COL5A3: variants seen among roughly 807,000 people sequenced by gnomAD.
The protein encoded by COL5A3 is collagen type V alpha 3 chain.
COL5A3 carries 172 observed loss-of-function variants against 250.0 expected under a neutral mutation model. The ratio of observed to expected loss-of-function variants is 0.69; its 90% CI spans 0.61 to 0.78. COL5A3 has a LOEUF of 0.78. Among genes scored for constraint, COL5A3 ranks in the 30% least tolerant of loss-of-function variants. The pLI is 0.00. For synonymous variants in COL5A3, 937 were observed against 900.4 expected (o/e 1.04, Z -0.73); for missense variants, 2,340 against 2,334.4 (o/e 1.00, Z -0.05).
chr19:9,972,596 G>A (rs1461302000), intron 51 of COL5A3, among the ~76,000 whole-genome samples: 2 of 152,186 alleles, frequency 1.3e-5, no homozygotes, highest in Non-Finnish European at 2.9e-5. Flanking sequence ...CCAGCACTTT[G>A]GGAGGCTGAG....
At position 9,983,724 on chromosome 19, in the gene COL5A3, G is replaced by A. The variant is rs957154797; in HGVS notation, c.2407-1606C>T. Among the ~76,000 whole-genome samples, 8 of 145,884 alleles carry A rather than the reference G, an allele frequency of 5.5e-5. No homozygotes were observed. The East Asian group carries it at 9.3e-4, about 17-fold the overall frequency. ...AAGAGAAAAAAGAAGGAAAAGAAAA[G>A]AAAAAAGAGGGGGACGCAGTGAGGG... is the stretch of plus-strand genomic sequence containing the variant. On this transcript the variant is annotated intron_variant, in intron 31 of 66. Coordinates refer to ENST00000264828, the MANE Select transcript of COL5A3 (RefSeq NM_015719.4).
chr19:9,996,025 G>C, intron 15 of COL5A3, 41 bp downstream of exon 15: 1 of 1,497,124 alleles, frequency 6.7e-7, no homozygotes, highest in Non-Finnish European at 9.0e-7. Context: ...CTGGGGGAAG[G>C]CTATTCCCAT....
At chr19:9,970,532 G>T in intron 54 of COL5A3, 90 bp downstream of exon 54, 1 of 776,368 alleles carries the variant, frequency 1.3e-6, no homozygotes, top group Non-Finnish European at 1.9e-6. Flanking sequence ...GGTCTGTGGG[G>T]TGAGTTGAGG....
At chr19:10,004,600 G>A (rs1012324675) in intron 4 of COL5A3, among the ~76,000 whole-genome samples, 6 of 152,148 alleles carry the variant, frequency 3.9e-5, no homozygotes, top group Admixed American at 3.9e-4. Context: ...CAAAGTGCTG[G>A]GATTACAGGT....
chr19:9,983,460 T>C (rs2066698063), intron 31 of COL5A3, among the ~76,000 whole-genome samples: 1 of 150,512 alleles, frequency 6.6e-6, no homozygotes, highest in African/African-American at 2.5e-5. Flanking sequence ...ATCGCACTAT[T>C]GCACTCCAGC....
intron 64 of COL5A3, among the ~76,000 whole-genome samples, chr19:9,964,070 G>A (rs1233760407): frequency 1.3e-5 from 2 of 152,152 alleles, no homozygotes; most frequent in Non-Finnish European, 2.9e-5. Flanking sequence ...CTACTCGGGA[G>A]GCTAAGGCAG....
chr19:10,003,687 G>T lies in COL5A3; in HGVS notation c.727C>A (p.Arg243Ser). 6.2e-7 allele frequency: 1 copy of T among 1,614,064 alleles called. No homozygotes were observed. The highest frequency in any genetic ancestry group is 1.3e-5 in the African/African-American group (1 of 74,994). ...TTTCCCTTCCCCTTCCGCCGAGGAC[G>T]AGGGGTTTCTGGTTCACCCTGGGGA... is the stretch of plus-strand genomic sequence containing the variant. Reference protein sequence around the residue: ...VAPQGEPETPRPRRKGKGKGR... With the variant: ...VAPQGEPETPSPRRKGKGKGR... Residue 243 changes from arginine (R) to serine (S), a missense_variant, in exon 6 of 67, where the codon CGT becomes AGT. Arg to Ser is a moderately radical substitution (Grantham distance 110). Coordinates refer to ENST00000264828, the MANE Select transcript of COL5A3 (RefSeq NM_015719.4).
intron 8 of COL5A3, among the ~76,000 whole-genome samples, chr19:9,998,503 A>G (rs3745598): frequency 0.47 from 70,839 of 151,860 alleles, 16,987 homozygotes; most frequent in African/African-American, 0.58. Flanking sequence ...CAGTGGATGA[A>G]TGACGCCTGT....
At chr19:9,997,177 G>A in intron 11 of COL5A3, 194 bp downstream of exon 11, 1 of 623,392 alleles carries the variant, frequency 1.6e-6, no homozygotes, top group South Asian at 1.9e-5. Flanking sequence ...GAAAAGCAAA[G>A]AGTAGGCCCC....
Position 9,977,942 on chromosome 19 carries a change from CTATACATATATATATATATATA to C in COL5A3, c.3019-263_3019-242del, listed in dbSNP as rs1205824996. ...CAAAAGCCATAGTCCTCCTGGCAGC[CTATACATATATATATATATATA>C]TATATATATATATATATATATTTGT... On this transcript the variant is annotated intron_variant, in intron 41 of 66. Coordinates refer to ENST00000264828, the MANE Select transcript of COL5A3 (RefSeq NM_015719.4). Among the ~76,000 whole-genome samples, 810 of 89,690 alleles carry C rather than the reference CTATACATATATATATATATATA, an allele frequency of 9.0e-3. 10 individuals are homozygous for C. Among genetic ancestry groups the C allele is most frequent in the African/African-American group, 0.027 (668 of 24,900 alleles). 58.8% of individuals were successfully genotyped at this position (89,690 alleles called of 152,430 possible).
chr19:9,968,069 C>G lies in COL5A3; in HGVS notation c.4325G>C (p.Gly1442Ala). The change falls in exon 60 of 67, where the codon GGT (glycine) becomes GCT (alanine). Residue 1442 changes from glycine (G) to alanine (A), a missense_variant. Around this residue, in one of 3 missense-constraint regions of COL5A3, gnomAD observed 1,179 missense variants for 1,162.6 expected, o/e 1.01. Transcript: ENST00000264828. This position sits in a 1 kb window ranked among gnomAD's most constrained non-coding sequence, Gnocchi z 4.1. ...PGPKGDPGPP[G>A]PIGSLGHPGP... Reference sequence around the variant, plus strand: ...AGGGTGGCCCAGAGAGCCAATGGGACCAGGGGGACCCTAGGAAAAGGACAT... The same window carrying G: ...AGGGTGGCCCAGAGAGCCAATGGGAGCAGGGGGACCCTAGGAAAAGGACAT... 1 of 1,588,076 alleles carries G rather than the reference C, an allele frequency of 6.3e-7. No individual in the cohort carries two copies. The highest frequency in any genetic ancestry group is 2.0e-5 in the Admixed American group (1 of 50,676).
chr19:9,973,653 G>A (rs1235611377), intron 49 of COL5A3, 30 bp from the exon 50 acceptor site: 2 of 1,611,538 alleles, frequency 1.2e-6, no homozygotes, highest in Non-Finnish European at 1.7e-6. Context: ...AGTGGGGAGA[G>A]GTCCCATCCT....
chr19:9,966,426 C>T lies in COL5A3; in HGVS notation c.4670G>A (p.Gly1557Glu), dbSNP rs765936531. The T allele has an allele frequency of 5.0e-6, 8 of 1,593,594 alleles. No homozygotes were observed. Among genetic ancestry groups the T allele is most frequent in the Admixed American group, 3.4e-5 (2 of 58,848 alleles). ...LHRNHPHLPD[G>E]EYWIDPNQGC... is the part of the protein sequence containing the mutation. ...CTGGTTGGGGTCAATCCAGTATTCC[C>T]CTGCCGCAGAGCCAGGCAGGGTGGG... Residue 1557 changes from glycine (G) to glutamate (E), a missense_variant and splice_region_variant, in exon 64 of 67, where the codon GGG (glycine) becomes GAG (glutamate). This residue lies in a region of COL5A3 where 1,179 missense variants were observed against 1,162.6 expected (regional missense o/e 1.01). Transcript: ENST00000264828.
rs200235550 is a variant in COL5A3 at position 9,998,011 on chromosome 19, C to G, written c.1173G>C (p.Glu391Asp). 104 of 1,613,976 alleles carry G rather than the reference C, an allele frequency of 6.4e-5. No homozygotes were observed. The highest frequency in any genetic ancestry group is 8.3e-5 in the Non-Finnish European group (98 of 1,180,022). Residue 391 changes from glutamate (E) to aspartate (D), a missense_variant, in exon 10 of 67, where the codon GAG becomes GAC. Coordinates refer to ENST00000264828, the MANE Select transcript of COL5A3 (RefSeq NM_015719.4). Reference protein sequence around the residue: ...PAVIEKGQQFEGPPGAPGPQG... With the variant: ...PAVIEKGQQFDGPPGAPGPQG... ...GGGGTCCTGGGGCTCCTGGAGGTCC[C>G]TCAAACTGCTGCCCCTGAAGGGAGA...
chr19:10,007,686 G>A (rs900705821), intron 1 of COL5A3, among the ~76,000 whole-genome samples: 9 of 152,148 alleles, frequency 5.9e-5, no homozygotes, highest in East Asian at 1.9e-4. Context: ...ATCTCACCAC[G>A]GGGAGCTGGG....
Position 9,979,212 on chromosome 19 carries a change from CT to C in COL5A3, c.2793del (p.Gly932ValfsTer62). On this transcript the variant is annotated frameshift_variant, in exon 39 of 67. Coordinates refer to ENST00000264828, the MANE Select transcript of COL5A3 (RefSeq NM_015719.4). LOFTEE classifies it high-confidence loss of function. ...GGGGGGCCTGGAGGCCCCCTTTCACCTAGAGGTCCCACTTCTCCTGTCTTTC... is the reference window on the plus strand; with the variant it reads ...GGGGGGCCTGGAGGCCCCCTTTCACCAGAGGTCCCACTTCTCCTGTCTTTC... ...PQGKTGEVGP[L>X]GERGPPGPPG... 6.2e-7 allele frequency: 1 copy of C among 1,607,244 alleles called. No homozygotes were observed. The highest frequency in any genetic ancestry group is 8.5e-7 in the Non-Finnish European group (1 of 1,177,976).
At chr19:10,008,725 A>G (rs2087479573) in intron 1 of COL5A3, among the ~76,000 whole-genome samples, 1 of 152,160 alleles carries the variant, frequency 6.6e-6, no homozygotes. Flanking sequence ...TTGGCTTCTA[A>G]TGGAGGGATT....
Position 10,005,720 on chromosome 19 carries a change from A to AG in COL5A3, c.438-7dup, listed in dbSNP as rs1353491956. The AG allele has an allele frequency of 3.1e-6, 5 of 1,604,574 alleles. No homozygotes were observed. Among genetic ancestry groups the AG allele is most frequent in the Non-Finnish European group, 4.3e-6 (5 of 1,173,310 alleles). On this transcript the variant is annotated splice_polypyrimidine_tract_variant and splice_region_variant and intron_variant, in intron 3 of 66. Transcript: ENST00000264828. ...TGACGGCCACACGGTGCCACCTGCAAGGGGACGGCCTCAGTGCGGGTGCTT... is the reference window on the plus strand; with the variant it reads ...TGACGGCCACACGGTGCCACCTGCAAGGGGGACGGCCTCAGTGCGGGTGCTT...
chr19:9,992,917 C>G, intron 20 of COL5A3, 37 bp from the exon 21 acceptor site: 2 of 1,610,822 alleles, frequency 1.2e-6, no homozygotes, highest in Non-Finnish European at 1.7e-6. Context: ...CACATCACCT[C>G]TGTGTGGCCA....
Sources: allele counts gnomAD v4.1 joint callset (sites outside exome capture counted in the v4.1 genomes callset), GRCh38; gene constraint gnomAD v4.1.1; regional missense constraint gnomAD v4.1.1; non-coding constraint Gnocchi (gnomAD v3.1); transcripts MANE v1.5; gene names NCBI Gene and HGNC (gene_info 2026-07-23, HGNC 2026-07-21).